The following TENM3 variants were observed in gnomAD, a reference collection of about 807,000 sequenced individuals.
TENM3 encodes the protein teneurin-3.
In TENM3, 63 loss-of-function variants were observed where a neutral mutation model predicts 255.1. The observed-to-expected ratio is 0.25, with a 90% CI of 0.20 to 0.30. The LOEUF is 0.30. Ranked by LOEUF, TENM3 falls within the 10% of genes least tolerant of loss-of-function variation. The pLI is 1.00. For synonymous variants in TENM3, 1,306 were observed against 1,322.3 expected (o/e 0.99, Z 0.27); for missense variants, 2,929 against 3,461.1 (o/e 0.85, Z 3.86).
At chr4:181,669,202 G>C in the TENM3 span, among the ~76,000 whole-genome samples, 1 of 152,184 alleles carries the variant, frequency 6.6e-6, no homozygotes, top group African/African-American at 2.4e-5. Context: ...AAGATTTCTT[G>C]AAGACTCACT....
chr4:182,712,827 A>G (rs1407315923), intron 12 of TENM3, among the ~76,000 whole-genome samples: 2 of 152,260 alleles, frequency 1.3e-5, no homozygotes, highest in Admixed American at 6.5e-5. Flanking sequence ...CCCAATTGCT[A>G]TAGCAAGTAT....
intron 3 of TENM3, among the ~76,000 whole-genome samples, chr4:182,590,716 G>A (rs932415949): frequency 6.6e-6 from 1 of 151,116 alleles, no homozygotes; most frequent in Non-Finnish European, 1.5e-5. Flanking sequence ...TTAGCTGGGC[G>A]TGGTGGTGCA....
At chr4:181,571,020 T>C in the TENM3 span, among the ~76,000 whole-genome samples, 1 of 152,158 alleles carries the variant, frequency 6.6e-6, no homozygotes, top group African/African-American at 2.4e-5. Context: ...ATCTGTCTTT[T>C]AGGAATGGAC....
chr4:181,621,937 C>T, the TENM3 span, among the ~76,000 whole-genome samples: 7 of 152,134 alleles, frequency 4.6e-5, no homozygotes, highest in East Asian at 7.7e-4. Context: ...CAGTTCAAAT[C>T]GAGCCTGTGA....
the TENM3 span, among the ~76,000 whole-genome samples, chr4:181,531,163 C>T: frequency 6.6e-6 from 1 of 152,216 alleles, no homozygotes; most frequent in South Asian, 2.1e-4. Flanking sequence ...AGATAGCAAT[C>T]AGAACCAGAG....
the TENM3 span, among the ~76,000 whole-genome samples, chr4:181,846,474 A>G: frequency 1.3e-5 from 2 of 152,142 alleles, no homozygotes; most frequent in African/African-American, 4.8e-5. Context: ...TGTTGACTCA[A>G]CTTCGAGATT....
chr4:181,976,941 G>C, the TENM3 span, among the ~76,000 whole-genome samples: 2 of 152,228 alleles, frequency 1.3e-5, no homozygotes, highest in Non-Finnish European at 2.9e-5. Flanking sequence ...ACTATTGAGA[G>C]CTGAGTAGAG....
At chr4:181,559,682 G>A in the TENM3 span, among the ~76,000 whole-genome samples, 3 of 152,168 alleles carry the variant, frequency 2.0e-5, no homozygotes, top group South Asian at 4.1e-4. Context: ...TATGACTATC[G>A]AGTATTGATT....
chr4:182,776,958 T>C (rs2152803052), intron 24 of TENM3, among the ~76,000 whole-genome samples: 1 of 152,354 alleles, frequency 6.6e-6, no homozygotes, highest in East Asian at 1.9e-4. Context: ...AAGGGAGGGC[T>C]TCTTACTTTC....
At chr4:182,053,443 G>C in the TENM3 span, among the ~76,000 whole-genome samples, 1 of 152,158 alleles carries the variant, frequency 6.6e-6, no homozygotes, top group African/African-American at 2.4e-5. Flanking sequence ...GACAGCTCGA[G>C]TGCCCTGGCC....
rs542080012 is a variant in TENM3, at chr4:182,785,556, A to C, written c.5305-3537A>C. ...GACCCTGTCTCTACTAAAAATACAAAAATTAGCCAGGCGTGGTGGCGCACG... is the reference window on the plus strand; with the variant it reads ...GACCCTGTCTCTACTAAAAATACAACAATTAGCCAGGCGTGGTGGCGCACG... On this transcript the variant is annotated intron_variant, in intron 24 of 27. Coordinates refer to ENST00000511685, the MANE Select transcript of TENM3 (RefSeq NM_001080477.4). Among the ~76,000 whole-genome samples the C allele has an allele frequency of 5.9e-5, 9 of 151,436 alleles. No individual in the cohort carries two copies. In the South Asian group the frequency reaches 1.9e-3, roughly 32 times the overall value.
At chr4:182,299,013 A>AAAAAAAAAAAGGT (rs1761680783) in intron 1 of TENM3, among the ~76,000 whole-genome samples, 1 of 94,268 alleles carries the variant, frequency 1.1e-5, no homozygotes, top group African/African-American at 5.3e-5. Flanking sequence ...AAAAAAAAAA[A>AAAAAAAAAAAGGT]AAAGAGGTAA....
chr4:182,783,189 G>A (rs1037187619), intron 24 of TENM3, among the ~76,000 whole-genome samples: 3 of 152,218 alleles, frequency 2.0e-5, no homozygotes, highest in African/African-American at 7.2e-5. Context: ...TGCAGCAGCT[G>A]GTACTGGTTG....
At chr4:181,515,264 G>T in the TENM3 span, among the ~76,000 whole-genome samples, 1 of 152,182 alleles carries the variant, frequency 6.6e-6, no homozygotes, top group South Asian at 2.1e-4. Flanking sequence ...GTCTTACTGT[G>T]TTCTCTTTGC....
At chr4:181,548,431 AC>A in the TENM3 span, among the ~76,000 whole-genome samples, 1 of 152,226 alleles carries the variant, frequency 6.6e-6, no homozygotes, top group Non-Finnish European at 1.5e-5. Context: ...TCAGTGATAG[AC>A]TGGATTAAGA....
At chr4:182,347,656 G>A (rs924820998) in intron 3 of TENM3, among the ~76,000 whole-genome samples, 2 of 152,034 alleles carry the variant, frequency 1.3e-5, no homozygotes, top group African/African-American at 2.4e-5. Flanking sequence ...TATTGCCAAT[G>A]CGGGATGATT....
chr4:182,696,018 GAA>G lies in TENM3; in HGVS notation c.2221+7671_2221+7672del, dbSNP rs1438862925. Among the ~76,000 whole-genome samples, 16 of 152,240 alleles carry G rather than the reference GAA, an allele frequency of 1.1e-4. No individual in the cohort carries two copies. In the South Asian group the frequency reaches 3.1e-3, roughly 30 times the overall value. On this transcript the variant is annotated intron_variant, in intron 12 of 27. Transcript: ENST00000511685. ...ATCACTGAATCACATGAGTGCACCA[GAA>G]AAAGTCTTGTTTATGTGACGTCAAA...
intron 3 of TENM3, among the ~76,000 whole-genome samples, chr4:182,502,223 G>A (rs550331193): frequency 2.4e-4 from 36 of 152,164 alleles, no homozygotes; most frequent in Non-Finnish European, 4.3e-4. Flanking sequence ...TCAAGGAAGC[G>A]TTTAGGATGG....
chr4:181,859,946 A>G, the TENM3 span, among the ~76,000 whole-genome samples: 6 of 152,218 alleles, frequency 3.9e-5, no homozygotes, highest in African/African-American at 1.4e-4. Flanking sequence ...TTAAGAAAGA[A>G]TGACATGTAG....
Sources: gnomAD v4.1 joint callset for allele counts (sites outside exome capture counted in the v4.1 genomes callset) on GRCh38, gnomAD v4.1.1 for gene constraint, MANE v1.5 for transcripts, NCBI Gene and HGNC (gene_info 2026-07-23, HGNC 2026-07-21) for gene names.